Variants in NECAB1 observed in about 807,000 individuals in gnomAD.
NECAB1 encodes the protein N-terminal EF-hand calcium binding protein 1, also known as N-terminal EF-hand calcium-binding protein 1.
In NECAB1, 29 loss-of-function variants were observed where a neutral mutation model predicts 57.5. The ratio of observed to expected loss-of-function variants is 0.50; its 90% confidence interval spans 0.38 to 0.69. The LOEUF (loss-of-function observed/expected upper bound fraction) is 0.69, where lower values mean the gene tolerates loss of function less well. Ranked by LOEUF, NECAB1 falls within the 30% of genes least tolerant of loss-of-function variation. The pLI is 0.00. For missense variants in NECAB1, 372 were observed against 413.8 expected (o/e 0.90, Z 0.88); for synonymous variants, 142 against 147.7 (o/e 0.96, Z 0.28).
chr8:90,942,544 G>A (rs2130244559), intron 10 of NECAB1, among the ~76,000 whole-genome samples: 1 of 152,160 alleles, frequency 6.6e-6, no homozygotes, highest in East Asian at 1.9e-4. Context: ...GCAAAGGTGG[G>A]AATATGTGTA....
At chr8:90,883,515 T>A (rs137977493) in intron 5 of NECAB1, among the ~76,000 whole-genome samples, 8 of 152,314 alleles carry the variant, frequency 5.3e-5, no homozygotes, top group African/African-American at 1.9e-4. Flanking sequence ...ACAAGCCTTT[T>A]GTGATCTATC....
chr8:90,842,184 T>G (rs1187123699), intron 3 of NECAB1, among the ~76,000 whole-genome samples: 2 of 152,290 alleles, frequency 1.3e-5, no homozygotes, highest in Non-Finnish European at 2.9e-5. Context: ...CATGTACCCT[T>G]AAACTTAAAA....
intron 3 of NECAB1, among the ~76,000 whole-genome samples, chr8:90,857,707 G>A (rs1249277458): frequency 6.6e-6 from 1 of 151,886 alleles, no homozygotes; most frequent in Non-Finnish European, 1.5e-5. Flanking sequence ...ATTCTTCCTT[G>A]GTCAACCTCT....
In NECAB1 at chr8:90,923,747, T is replaced by C. The variant is rs556872084; in HGVS notation, c.495-1788T>C. Among the ~76,000 whole-genome samples the C allele has an allele frequency of 2.0e-5, 3 of 152,262 alleles. No individual in the cohort carries two copies. The South Asian group carries it at 6.2e-4, about 32-fold the overall frequency. On this transcript the variant is annotated intron_variant, in intron 6 of 12. Coordinates refer to ENST00000417640, the MANE Select transcript of NECAB1 (RefSeq NM_022351.5). The stretch of plus-strand genomic sequence containing the variant: ...AGGATAGAATGCTTTAAAAATAATA[T>C]TCAAAGCACACAAAAGAGGTCTTGG...
intron 3 of NECAB1, among the ~76,000 whole-genome samples, chr8:90,845,277 C>G (rs1367283666): frequency 1.3e-5 from 2 of 152,198 alleles, no homozygotes; most frequent in Admixed American, 1.3e-4. Flanking sequence ...TCACATCCCT[C>G]TCCTGTCTGT....
intron 5 of NECAB1, among the ~76,000 whole-genome samples, chr8:90,904,651 T>G (rs2130043344): frequency 6.6e-6 from 1 of 152,002 alleles, no homozygotes; most frequent in East Asian, 1.9e-4. Flanking sequence ...CCAATATACC[T>G]CTAAGCAAAT....
At chr8:90,897,144 A>G (rs189137788) in intron 5 of NECAB1, among the ~76,000 whole-genome samples, 65 of 152,334 alleles carry the variant, frequency 4.3e-4, no homozygotes, top group African/African-American at 1.3e-3. Flanking sequence ...TTCAATTACA[A>G]GCCAAATTAT....
intron 5 of NECAB1, among the ~76,000 whole-genome samples, chr8:90,895,321 A>G (rs987276867): frequency 6.6e-6 from 1 of 152,222 alleles, no homozygotes; most frequent in Non-Finnish European, 1.5e-5. Context: ...AAATAACTCC[A>G]GGAGCAGAAC....
At chr8:90,810,757 A>G (rs1022722669) in intron 2 of NECAB1, among the ~76,000 whole-genome samples, 2 of 152,152 alleles carry the variant, frequency 1.3e-5, no homozygotes, top group Non-Finnish European at 2.9e-5. Context: ...TACTTATGTA[A>G]TAAAGGGAAC....
In NECAB1 at chr8:90,917,881, T is replaced by TGTGTGTGTGTGTGTGC. The variant is rs33942093; in HGVS notation, c.494+254_494+255insTGTGTGTGTGTGTGCG. Among the ~76,000 whole-genome samples, 3 of 117,866 alleles carry TGTGTGTGTGTGTGTGC rather than the reference T, an allele frequency of 2.5e-5. 1 individual carries two copies. The highest frequency in any genetic ancestry group is 1.1e-4 in the African/African-American group (3 of 27,612). The allele number at this position is 117,866 out of a possible 152,430, so 77.3% of individuals were successfully genotyped here. ...ATATATATATATATATGTGTGTGTG[T>TGTGTGTGTGTGTGTGC]GCGTGTATATATATGTCTGTGTGTA... On this transcript the variant is annotated intron_variant, in intron 6 of 12. Transcript: ENST00000417640.
In NECAB1 at chr8:90,942,836, C is replaced by G. The variant is rs183172409; in HGVS notation, c.860+1938C>G. ...GGCGGAGGTTGCAGTGAGCCGAGAT[C>G]GCGCTACTGCACCCCAGCCTGGATG... On this transcript the variant is annotated intron_variant, in intron 10 of 12. Transcript: ENST00000417640. 3.5e-3 allele frequency among the ~76,000 whole-genome samples: 538 copies of G among 152,210 alleles called. 4 individuals are homozygous for G. The highest frequency in any genetic ancestry group is 6.5e-3 in the Non-Finnish European group (443 of 68,006).
intron 2 of NECAB1, among the ~76,000 whole-genome samples, chr8:90,813,883 C>T (rs1812014333): frequency 6.6e-6 from 1 of 152,140 alleles, no homozygotes; most frequent in African/African-American, 2.4e-5. Context: ...AACCCAAAAC[C>T]AAGTTTCCCT....
At chr8:90,919,018 A>G (rs1810042529) in intron 6 of NECAB1, among the ~76,000 whole-genome samples, 1 of 152,184 alleles carries the variant, frequency 6.6e-6, no homozygotes, top group Non-Finnish European at 1.5e-5. Flanking sequence ...GAGAAAAGTG[A>G]ATGATGGAAA....
intron 2 of NECAB1, among the ~76,000 whole-genome samples, chr8:90,823,398 ATGT>A (rs1318369666): frequency 6.6e-6 from 1 of 151,868 alleles, no homozygotes; most frequent in Non-Finnish European, 1.5e-5. Flanking sequence ...ATTTTTTAAA[ATGT>A]TGTAGTCTGT....
intron 3 of NECAB1, among the ~76,000 whole-genome samples, chr8:90,869,132 A>G (rs1808572545): frequency 6.6e-6 from 1 of 152,246 alleles, no homozygotes; most frequent in Non-Finnish European, 1.5e-5. Context: ...TGTTGAGCCT[A>G]CAGGTGTGCA....
rs145016853 is a variant in NECAB1, at chr8:90,869,412, C to A, written c.234-2716C>A. Reference sequence around the variant, plus strand: ...GAGTTTCACTGTGTAACTGGAAAAGCCACAAGTACTCAATGTCAGCCCATG... The same window carrying A: ...GAGTTTCACTGTGTAACTGGAAAAGACACAAGTACTCAATGTCAGCCCATG... On this transcript the variant is annotated intron_variant, in intron 3 of 12. Transcript: ENST00000417640. Among the ~76,000 whole-genome samples the A allele has an allele frequency of 3.3e-5, 5 of 152,286 alleles. No individual in the cohort carries two copies. The East Asian group carries it at 7.7e-4, about 24-fold the overall frequency.
chr8:90,906,304 GGAGA>G (rs1468692130), intron 5 of NECAB1, among the ~76,000 whole-genome samples: 1 of 152,098 alleles, frequency 6.6e-6, no homozygotes, highest in Non-Finnish European at 1.5e-5. Flanking sequence ...TAGGTTTTCA[GGAGA>G]GAGTTTTGCA....
At position 90,834,976 on chromosome 8, in the gene NECAB1, C is replaced by A. The variant is rs77150465; in HGVS notation, c.233+10151C>A. Among the ~76,000 whole-genome samples, 287 of 146,130 alleles carry A rather than the reference C, an allele frequency of 2.0e-3. 1 individual carries two copies. The highest frequency in any genetic ancestry group is 7.1e-3 in the African/African-American group (278 of 39,380). On this transcript the variant is annotated intron_variant, in intron 3 of 12. Coordinates refer to ENST00000417640, the MANE Select transcript of NECAB1 (RefSeq NM_022351.5). Reference sequence around the variant, plus strand: ...CATCTATATGTCTCATGAAAGCTTTCCCTGACTTTCTTTTTTTTTTTTTTA... The same window carrying A: ...CATCTATATGTCTCATGAAAGCTTTACCTGACTTTCTTTTTTTTTTTTTTA...
At chr8:90,925,511 T>G in intron 6 of NECAB1, 24 bp from the exon 7 acceptor site, 1 of 1,608,748 alleles carries the variant, frequency 6.2e-7, no homozygotes, top group Admixed American at 1.7e-5. Flanking sequence ...ACATTAAGGT[T>G]AAATGTTATC....
Sources: allele counts gnomAD v4.1 joint callset (sites outside exome capture counted in the v4.1 genomes callset), GRCh38; gene constraint gnomAD v4.1.1; transcripts MANE v1.5; gene names NCBI Gene and HGNC (gene_info 2026-07-23, HGNC 2026-07-21).